LHFPL3: variants seen among roughly 807,000 people sequenced by gnomAD.
LHFPL3 encodes the protein LHFPL tetraspan subfamily member 3 protein.
Under a neutral mutation model 19.3 loss-of-function variants are expected in LHFPL3, and 5 were observed. The observed-to-expected ratio is 0.26, with a 90% CI of 0.14 to 0.54. The LOEUF is 0.54. Among genes scored for constraint, LHFPL3 ranks in the 20% least tolerant of loss-of-function variants. LHFPL3 has a pLI of 0.94. For missense variants in LHFPL3, 249 were observed against 307.4 expected (o/e 0.81, Z 1.42); for synonymous variants, 133 against 126.2 (o/e 1.05, Z -0.36).
chr7:104,348,733 T>C (rs901932359), intron 1 of LHFPL3, among the ~76,000 whole-genome samples: 2 of 152,196 alleles, frequency 1.3e-5, no homozygotes, highest in Non-Finnish European at 2.9e-5. Flanking sequence ...AATCCGAAAG[T>C]TGAGCAAGGT....
chr7:104,861,447 G>A (rs1329951291), intron 2 of LHFPL3, among the ~76,000 whole-genome samples: 2 of 152,166 alleles, frequency 1.3e-5, no homozygotes, highest in Non-Finnish European at 2.9e-5. Context: ...TTCAAACAGG[G>A]TAATTTAGGA....
intron 2 of LHFPL3, among the ~76,000 whole-genome samples, chr7:104,879,675 T>C (rs1792011516): frequency 6.6e-6 from 1 of 152,172 alleles, no homozygotes; most frequent in Admixed American, 6.5e-5. Context: ...CAGTGAACTA[T>C]GTGTGGCAGA....
At chr7:104,446,656 A>T (rs184611673) in intron 1 of LHFPL3, among the ~76,000 whole-genome samples, 5 of 152,050 alleles carry the variant, frequency 3.3e-5, no homozygotes, top group Admixed American at 3.3e-4. Context: ...GCTCACTGCA[A>T]CCTCTACCTC....
In LHFPL3 at chr7:104,693,793, G is replaced by GT. The variant is rs112118633; in HGVS notation, c.446-42882_446-42881insT. 3.0e-3 allele frequency among the ~76,000 whole-genome samples: 438 copies of GT among 146,602 alleles called. 1 individual carries two copies. Among genetic ancestry groups the GT allele is most frequent in the African/African-American group, 0.01 (410 of 39,856 alleles). ...CGCCACCACGCCCTGCTAATTGTGG[G>GT]GTTTTTTTTTTGTATTTTTAGTAGA... On this transcript the variant is annotated intron_variant, in intron 1 of 2. Coordinates refer to ENST00000424859, the MANE Select transcript of LHFPL3 (RefSeq NM_199000.3).
At position 104,843,626 on chromosome 7, in the gene LHFPL3, C is replaced by T. The variant is rs1048333564; in HGVS notation, c.683-62561C>T. On this transcript the variant is annotated intron_variant, in intron 2 of 2. Coordinates refer to ENST00000424859, the MANE Select transcript of LHFPL3 (RefSeq NM_199000.3). The stretch of plus-strand genomic sequence containing the variant: ...CCTGAAAAGAGCCAACACAGTCTTT[C>T]AAGCCTTTGAATAAGTGAGAAGGAG... 5.9e-5 allele frequency among the ~76,000 whole-genome samples: 9 copies of T among 152,296 alleles called. No individual in the cohort carries two copies. In the East Asian group the frequency reaches 1.5e-3, roughly 26 times the overall value.
At chr7:104,398,981 T>C (rs1166330077) in intron 1 of LHFPL3, among the ~76,000 whole-genome samples, 1 of 152,156 alleles carries the variant, frequency 6.6e-6, no homozygotes, top group Non-Finnish European at 1.5e-5. Context: ...TTAGGTTCTG[T>C]TGGTGTTGAT....
chr7:104,602,889 G>A (rs1387752157), intron 1 of LHFPL3, among the ~76,000 whole-genome samples: 1 of 152,018 alleles, frequency 6.6e-6, no homozygotes, highest in Non-Finnish European at 1.5e-5. Flanking sequence ...GAGAAAAGGG[G>A]CTGAACTCAT....
rs1374890565 is a variant in LHFPL3, at chr7:104,460,317, G to T, written c.445+131093G>T. On this transcript the variant is annotated intron_variant, in intron 1 of 2. Transcript: ENST00000424859. ...ATAGTACTACAGTGAACATTCACATGTGTGTGTCTTTATGGTAGAATGATT... is the reference window on the plus strand; with the variant it reads ...ATAGTACTACAGTGAACATTCACATTTGTGTGTCTTTATGGTAGAATGATT... Among the ~76,000 whole-genome samples the T allele has an allele frequency of 2.6e-5, 4 of 152,240 alleles. No homozygotes were observed. In the East Asian group the frequency reaches 7.7e-4, roughly 29 times the overall value.
At chr7:104,861,734 G>A (rs1342626616) in intron 2 of LHFPL3, among the ~76,000 whole-genome samples, 2 of 152,218 alleles carry the variant, frequency 1.3e-5, no homozygotes. Flanking sequence ...GAGCTTCCTG[G>A]TGGTCTAACA....
At chr7:104,756,465 T>C (rs752561467) in intron 2 of LHFPL3, among the ~76,000 whole-genome samples, 16 of 152,134 alleles carry the variant, frequency 1.1e-4, no homozygotes, top group Non-Finnish European at 2.4e-4. Flanking sequence ...CTGAAATGTG[T>C]ATCTATATTA....
At position 104,849,018 on chromosome 7, in the gene LHFPL3, C is replaced by T. The variant is rs566973714; in HGVS notation, c.683-57169C>T. Among the ~76,000 whole-genome samples, 29 of 152,142 alleles carry T rather than the reference C, an allele frequency of 1.9e-4. 1 individual carries two copies. In the South Asian group the frequency reaches 5.8e-3, roughly 30 times the overall value. On this transcript the variant is annotated intron_variant, in intron 2 of 2. Transcript: ENST00000424859. Reference sequence around the variant, plus strand: ...TCTCAACTCACTGCAACTTCCACCTCTGGAGTCAAGCAATCCTCCCACCTC... The same window carrying T: ...TCTCAACTCACTGCAACTTCCACCTTTGGAGTCAAGCAATCCTCCCACCTC...
intron 1 of LHFPL3, among the ~76,000 whole-genome samples, chr7:104,538,506 G>T (rs1011450865): frequency 6.6e-6 from 1 of 152,200 alleles, no homozygotes; most frequent in African/African-American, 2.4e-5. Context: ...CGTCTGAAAG[G>T]TATGTCAGAA....
At chr7:104,429,737 T>A (rs964057253) in intron 1 of LHFPL3, among the ~76,000 whole-genome samples, 2 of 152,126 alleles carry the variant, frequency 1.3e-5, no homozygotes, top group African/African-American at 4.8e-5. Flanking sequence ...GGTAGGATAA[T>A]AATAAGTAAC....
At chr7:104,871,427 G>A (rs1209731620) in intron 2 of LHFPL3, among the ~76,000 whole-genome samples, 1 of 152,160 alleles carries the variant, frequency 6.6e-6, no homozygotes, top group Non-Finnish European at 1.5e-5. Flanking sequence ...AGTGAATGGT[G>A]AATGAATGTG....
intron 2 of LHFPL3, among the ~76,000 whole-genome samples, chr7:104,881,181 A>G (rs2116683016): frequency 6.6e-6 from 1 of 152,118 alleles, no homozygotes; most frequent in East Asian, 1.9e-4. Flanking sequence ...AAAAAAAAAA[A>G]AAAAAAAAGA....
chr7:104,834,791 A>C (rs1027739842), intron 2 of LHFPL3, among the ~76,000 whole-genome samples: 2 of 152,002 alleles, frequency 1.3e-5, no homozygotes, highest in Non-Finnish European at 2.9e-5. Flanking sequence ...TCGGTGGAAC[A>C]TGCCCAAGGG....
intron 1 of LHFPL3, among the ~76,000 whole-genome samples, chr7:104,397,863 A>G (rs77051859): frequency 0.091 from 13,915 of 152,256 alleles, 695 homozygotes; most frequent in Non-Finnish European, 0.1. Context: ...TTCCTTGTTA[A>G]GGAAATAGCA....
intron 1 of LHFPL3, among the ~76,000 whole-genome samples, chr7:104,346,684 A>G (rs938293276): frequency 8.1e-6 from 1 of 122,730 alleles, no homozygotes; most frequent in Non-Finnish European, 1.7e-5. Context: ...TCTTAGTTCT[A>G]TAAAAATAAA....
chr7:104,445,720 G>A (rs1792317386), intron 1 of LHFPL3, among the ~76,000 whole-genome samples: 1 of 152,100 alleles, frequency 6.6e-6, no homozygotes, highest in Non-Finnish European at 1.5e-5. Flanking sequence ...TTGTATCCAG[G>A]CAAAGTTGAA....
Sources: allele counts gnomAD v4.1 joint callset (sites outside exome capture counted in the v4.1 genomes callset), GRCh38; gene constraint gnomAD v4.1.1; transcripts MANE v1.5; gene names NCBI Gene and HGNC (gene_info 2026-07-23, HGNC 2026-07-21).